The following FOXN3 variants were observed in gnomAD, a reference collection of about 807,000 sequenced individuals.
FOXN3 encodes forkhead box protein N3.
Under a neutral mutation model 38.4 loss-of-function variants are expected in FOXN3, and 7 were observed. That is an observed-to-expected ratio of 0.18 (90% CI 0.10 to 0.34). The LOEUF is 0.34. Among genes scored for constraint, FOXN3 ranks in the 10% least tolerant of loss-of-function variants. FOXN3 has a pLI of 1.00. For missense variants in FOXN3, 456 were observed against 613.4 expected (o/e 0.74, Z 2.71); for synonymous variants, 230 against 242.2 (o/e 0.95, Z 0.47).
At chr14:89,224,161 A>G (rs566567395) in intron 4 of FOXN3, among the ~76,000 whole-genome samples, 110 of 151,952 alleles carry the variant, frequency 7.2e-4, no homozygotes, top group African/African-American at 2.5e-3. Context: ...GAGCTTAATT[A>G]GACTTATAAG....
At chr14:89,355,256 C>T (rs1156257084) in intron 2 of FOXN3, 1 of 149,540 alleles carries the variant, frequency 6.7e-6, no homozygotes, top group African/African-American at 2.5e-5. Flanking sequence ...AATGGAGTCT[C>T]ACTCTGTCGT....
rs1344170667 is a variant in FOXN3, at chr14:89,268,156, T to G, written c.745+12794A>C. 2.0e-5 allele frequency among the ~76,000 whole-genome samples: 3 copies of G among 152,234 alleles called. No homozygotes were observed. In the East Asian group the frequency reaches 5.8e-4, roughly 29 times the overall value. ...CAAATGCTCGACTTTAAGCTTCTGT[T>G]TCTTCATCTGTAAGATCAGGAAGAT... is the stretch of plus-strand genomic sequence containing the variant. On this transcript the variant is annotated intron_variant, in intron 4 of 5. Coordinates refer to ENST00000557258, the MANE Select transcript of FOXN3 (RefSeq NM_005197.4).
chr14:89,417,834 C>G (rs747882668), upstream of FOXN3: 20 of 443,534 alleles, frequency 4.5e-5, no homozygotes, highest in Non-Finnish European at 1.4e-5. Flanking sequence ...GGCCGCGTGT[C>G]TCCCGAGGGA....
chr14:89,403,429 C>T (rs888086185), intron 2 of FOXN3, among the ~76,000 whole-genome samples: 6 of 152,222 alleles, frequency 3.9e-5, no homozygotes, highest in Non-Finnish European at 7.3e-5. Context: ...AACTCCTGGG[C>T]TCAAAGTGAT....
At chr14:89,461,920 T>C (rs1206925538) in intron 1 of FOXN3, among the ~76,000 whole-genome samples, 1 of 152,224 alleles carries the variant, frequency 6.6e-6, no homozygotes, top group African/African-American at 2.4e-5. Context: ...GGAGCAGGAC[T>C]GGGCACAGGG....
chr14:89,419,884 A>G (rs1891855678), upstream of FOXN3: 1 of 152,268 alleles, frequency 6.6e-6, no homozygotes, highest in Non-Finnish European at 1.5e-5. Context: ...AGGCAGTACA[A>G]CTGAGTAGGT....
intron 1 of FOXN3, among the ~76,000 whole-genome samples, chr14:89,451,407 A>T (rs1892610133): frequency 6.6e-6 from 1 of 152,220 alleles, no homozygotes; most frequent in Admixed American, 6.5e-5. Flanking sequence ...AGCTCTAAAA[A>T]TGACCGCTGG....
intron 1 of FOXN3, among the ~76,000 whole-genome samples, chr14:89,510,101 C>G (rs910853472): frequency 3.3e-5 from 5 of 152,148 alleles, no homozygotes; most frequent in African/African-American, 1.2e-4. Flanking sequence ...TGGGAGAGGC[C>G]TCTCACCATG....
At chr14:89,606,932 CTG>C (rs1896288300) in intron 1 of FOXN3, among the ~76,000 whole-genome samples, 1 of 152,130 alleles carries the variant, frequency 6.6e-6, no homozygotes. Flanking sequence ...TGACTCAAGA[CTG>C]AAATATAACA....
intron 1 of FOXN3, among the ~76,000 whole-genome samples, chr14:89,546,329 C>CTTTTTTTTT (rs1157998619): frequency 0.027 from 2,087 of 78,204 alleles, 373 homozygotes; most frequent in African/African-American, 0.081. Context: ...TTTCCTTTTT[C>CTTTTTTTTT]TTTTTTTTTT....
At chr14:89,611,826 A>G (rs893668452) in intron 1 of FOXN3, among the ~76,000 whole-genome samples, 15 of 150,472 alleles carry the variant, frequency 1.0e-4, no homozygotes, top group Non-Finnish European at 2.1e-4. Context: ...AAAAAAAAAA[A>G]AAATCACTGA....
chr14:89,196,791 C>T lies in FOXN3; in HGVS notation c.746-15985G>A, dbSNP rs558626077. On this transcript the variant is annotated intron_variant, in intron 4 of 5. Transcript: ENST00000557258. ...GTGTGGTTTCTAACCATGTTCATTC[C>T]GCTTCCTCTGGGATTTAGTTTCAGT... is the stretch of plus-strand genomic sequence containing the variant. Among the ~76,000 whole-genome samples, 34 of 152,228 alleles carry T rather than the reference C, an allele frequency of 2.2e-4. 1 individual carries two copies. The East Asian group carries it at 4.2e-3, about 19-fold the overall frequency.
chr14:89,530,721 T>C (rs1369920470), intron 1 of FOXN3, among the ~76,000 whole-genome samples: 1 of 151,526 alleles, frequency 6.6e-6, no homozygotes, highest in African/African-American at 2.4e-5. Flanking sequence ...GGGATTCTCC[T>C]GCTTTAGCTT....
At chr14:89,432,285 G>A (rs554742955) in intron 1 of FOXN3, among the ~76,000 whole-genome samples, 3 of 152,078 alleles carry the variant, frequency 2.0e-5, no homozygotes, top group East Asian at 1.9e-4. Context: ...GTCCAGTGAC[G>A]GCCCTAACAC....
chr14:89,293,593 A>G (rs932815284), intron 3 of FOXN3, among the ~76,000 whole-genome samples: 2 of 152,144 alleles, frequency 1.3e-5, no homozygotes, highest in Admixed American at 6.5e-5. Context: ...TTCTAAGGAC[A>G]ACGTCATGTT....
chr14:89,252,274 C>T (rs558014143), intron 4 of FOXN3, among the ~76,000 whole-genome samples: 180 of 152,314 alleles, frequency 1.2e-3, no homozygotes, highest in South Asian at 7.5e-3. Context: ...CAAAGTAGGC[C>T]ATATACTACC....
At chr14:89,345,165 AC>A (rs900327556) in intron 3 of FOXN3, among the ~76,000 whole-genome samples, 2 of 152,136 alleles carry the variant, frequency 1.3e-5, no homozygotes, top group Non-Finnish European at 2.9e-5. Flanking sequence ...TATCCAAACT[AC>A]AAAGAGACCC....
At chr14:89,349,431 T>C (rs1888881924) in intron 3 of FOXN3, 1 of 152,376 alleles carries the variant, frequency 6.6e-6, no homozygotes. Flanking sequence ...AAATCAACTG[T>C]AGTTGCTATG....
intron 1 of FOXN3, among the ~76,000 whole-genome samples, chr14:89,515,561 C>A (rs1180353647): frequency 6.6e-6 from 1 of 151,822 alleles, no homozygotes; most frequent in Non-Finnish European, 1.5e-5. Flanking sequence ...CATGGTGAAA[C>A]CTCATCTCTA....
Sources: allele counts gnomAD v4.1 joint callset (sites outside exome capture counted in the v4.1 genomes callset), GRCh38; gene constraint gnomAD v4.1.1; transcripts MANE v1.5; gene names NCBI Gene and HGNC (gene_info 2026-07-23, HGNC 2026-07-21).